UGT2B7: variants seen among roughly 807,000 people sequenced by gnomAD.
UGT2B7 encodes UDP-glucuronosyltransferase 2B7.
A neutral mutation model predicts 51.9 loss-of-function variants in UGT2B7; 51 were observed. The observed-to-expected ratio is 0.98, with a 90% confidence interval of 0.78 to 1.24. The LOEUF is 1.24. Ranked by LOEUF, UGT2B7 falls within the 50% of genes most tolerant of loss-of-function variation. UGT2B7 has a pLI of 0.00. For missense variants in UGT2B7, 727 were observed against 628.4 expected (o/e 1.16, Z -1.68); for synonymous variants, 225 against 211.6 (o/e 1.06, Z -0.55).
intron 1 of UGT2B7, among the ~76,000 whole-genome samples, chr4:69,077,505 T>C (rs1446328213): frequency 6.6e-6 from 1 of 151,552 alleles, no homozygotes; most frequent in Non-Finnish European, 1.5e-5. Flanking sequence ...TTCACATCCC[T>C]TGTAAGTTGT....
At chr4:69,092,256 T>C (rs1719101328), upstream of UGT2B7, among the ~76,000 whole-genome samples, 1 of 152,226 alleles carries the variant, frequency 6.6e-6, no homozygotes, top group Non-Finnish European at 1.5e-5. Flanking sequence ...CAGTTCTCAG[T>C]ATCTTTCCTG....
intron 5 of UGT2B7, among the ~76,000 whole-genome samples, chr4:69,109,488 G>A (rs528457543): frequency 6.6e-6 from 1 of 152,034 alleles, no homozygotes; most frequent in African/African-American, 2.4e-5. Flanking sequence ...TACGGCTAAA[G>A]GTGTTGAGAA....
intron 1 of UGT2B7, among the ~76,000 whole-genome samples, chr4:69,087,320 C>T (rs1359058201): frequency 6.6e-6 from 1 of 151,942 alleles, no homozygotes; most frequent in Non-Finnish European, 1.5e-5. Flanking sequence ...AAACAGAACT[C>T]TGTATTTTGA....
At chr4:69,057,521 T>G (rs758273506) in intron 1 of UGT2B7, among the ~76,000 whole-genome samples, 12 of 152,212 alleles carry the variant, frequency 7.9e-5, no homozygotes, top group Non-Finnish European at 1.5e-4. Context: ...CAGCAATCCC[T>G]CTTCTGGATA....
rs764824818 is a variant in UGT2B7 at position 69,112,589 on chromosome 4, C to A, written c.1443C>A (p.His481Gln). 3.1e-6 allele frequency: 5 copies of A among 1,613,848 alleles called. No individual in the cohort carries two copies. Among genetic ancestry groups the A allele is most frequent in the Non-Finnish European group, 3.4e-6 (4 of 1,179,884 alleles). ...CTAAACACCTTCGGGTTGCAGCCCA[C>A]GACCTCACCTGGTTCCAGTACCACT... ...KGAKHLRVAA[H>Q]DLTWFQYHSL... The change falls in exon 6 of 6, where the codon CAC becomes CAA. Residue 481 changes from histidine to glutamine, a missense_variant. Coordinates refer to ENST00000305231, the MANE Select transcript of UGT2B7 (RefSeq NM_001074.4).
intron 1 of UGT2B7, among the ~76,000 whole-genome samples, chr4:69,055,637 C>T (rs763338827): frequency 3.9e-5 from 6 of 152,022 alleles, no homozygotes; most frequent in Non-Finnish European, 8.8e-5. Flanking sequence ...AACACATAGC[C>T]CAGTCTCTAC....
intron 1 of UGT2B7, among the ~76,000 whole-genome samples, chr4:69,061,799 T>G (rs1432635767): frequency 6.6e-6 from 1 of 152,084 alleles, no homozygotes; most frequent in African/African-American, 2.4e-5. Context: ...CCCCGGGAAT[T>G]CAGGAAAAAG....
intron 1 of UGT2B7, among the ~76,000 whole-genome samples, chr4:69,056,356 TG>T (rs1010707609): frequency 6.6e-6 from 1 of 152,220 alleles, no homozygotes; most frequent in Non-Finnish European, 1.5e-5. Context: ...GATCAAGCCT[TG>T]ACTGTTCTTG....
At position 69,098,620 on chromosome 4, in the gene UGT2B7, T is replaced by C. The variant is rs7439366; in HGVS notation, c.802T>C (p.Tyr268His). The C allele has an allele frequency of 0.5, 807,479 of 1,610,326 alleles. 209,146 individuals are homozygous for C. Among genetic ancestry groups the C allele is most frequent in the African/African-American group, 0.71 (53,120 of 74,464 alleles). The stretch of plus-strand genomic sequence containing the variant: ...AAACTCCTGGAATTTTCAGTTTCCA[T>C]ATCCACTCTTACCAAATGTTGATTT... ...IRNSWNFQFP[Y>H]PLLPNVDFVG... Residue 268 changes from tyrosine to histidine, a missense_variant, in exon 2 of 6, where the codon TAT becomes CAT. By Grantham distance (83) the Tyr-to-His change is moderately conservative. Coordinates refer to ENST00000305231, the MANE Select transcript of UGT2B7 (RefSeq NM_001074.4).
chr4:69,073,004 G>A (rs1718631927), intron 1 of UGT2B7, among the ~76,000 whole-genome samples: 1 of 152,116 alleles, frequency 6.6e-6, no homozygotes, highest in Admixed American at 6.6e-5. Flanking sequence ...TGAGAAAGAT[G>A]AGCTTAGAGT....
At chr4:69,091,284 G>A (rs1719079021) in intron 2 of UGT2B7, among the ~76,000 whole-genome samples, 1 of 152,146 alleles carries the variant, frequency 6.6e-6, no homozygotes, top group Admixed American at 6.6e-5. Context: ...CATAGGTGAA[G>A]CAATGTAAAA....
upstream of UGT2B7, among the ~76,000 whole-genome samples, chr4:69,093,019 G>T (rs1719118886): frequency 6.6e-6 from 1 of 151,160 alleles, no homozygotes; most frequent in Non-Finnish European, 1.5e-5. Flanking sequence ...CATATGGTTT[G>T]TCATACATAA....
rs144232904 is a variant in UGT2B7 at position 69,108,256 on chromosome 4, T to A, written c.1244T>A (p.Val415Glu). ...HMKARGAAVR[V>E]DFNTMSSTDL... ...AAGGCCAGGGGAGCAGCTGTTAGAGTGGACTTCAACACAATGTCGAGTACA... is the reference window on the plus strand; with the variant it reads ...AAGGCCAGGGGAGCAGCTGTTAGAGAGGACTTCAACACAATGTCGAGTACA... The change falls in exon 5 of 6, where the codon GTG becomes GAG. Residue 415 changes from valine to glutamate, a missense_variant. Coordinates refer to ENST00000305231, the MANE Select transcript of UGT2B7 (RefSeq NM_001074.4). 1.5e-4 allele frequency: 237 copies of A among 1,613,454 alleles called. No individual in the cohort carries two copies. The highest frequency in any genetic ancestry group is 1.9e-4 in the Non-Finnish European group (223 of 1,179,676).
intron 2 of UGT2B7, among the ~76,000 whole-genome samples, chr4:69,100,870 A>T (rs1314904677): frequency 6.6e-6 from 1 of 152,158 alleles, no homozygotes; most frequent in Non-Finnish European, 1.5e-5. Context: ...ATTTCTTATA[A>T]GAGAAAAAGA....
chr4:69,072,174 A>C (rs1718616500), intron 1 of UGT2B7, among the ~76,000 whole-genome samples: 1 of 152,108 alleles, frequency 6.6e-6, no homozygotes, highest in East Asian at 1.9e-4. Context: ...ATAGTATATT[A>C]AATTCCAAAA....
chr4:69,072,327 T>A (rs1718619162), intron 1 of UGT2B7, among the ~76,000 whole-genome samples: 1 of 152,166 alleles, frequency 6.6e-6, no homozygotes, highest in Non-Finnish European at 1.5e-5. Flanking sequence ...TTCATCCTCA[T>A]GAAAATCTTT....
intron 5 of UGT2B7, among the ~76,000 whole-genome samples, chr4:69,111,242 A>G (rs1719762287): frequency 6.6e-6 from 1 of 152,210 alleles, no homozygotes; most frequent in Admixed American, 6.5e-5. Flanking sequence ...CTAAAAATGT[A>G]GGGTTCTGTA....
Position 69,096,919 on chromosome 4 carries a change from T to C in UGT2B7, c.399T>C (p.Asn133=). The C allele has an allele frequency of 1.2e-6, 2 of 1,611,740 alleles. No homozygotes were observed. Among genetic ancestry groups the C allele is most frequent in the Non-Finnish European group, 1.7e-6 (2 of 1,179,424 alleles). ...AGTTCTGTAAAGATGTAGTTTCAAA[T>C]AAGAAATTTATGAAAAAAGTACAAG... ...TRKFCKDVVS[N]KKFMKKVQES... is the part of the protein sequence containing the mutation. Residue 133 remains asparagine (N), a synonymous_variant, in exon 1 of 6, where the codon AAT becomes AAC. Transcript: ENST00000305231.
At chr4:69,084,330 T>TCTCTCTCTCTCTCTCTCTCTCTC (rs1553912555) in intron 1 of UGT2B7, among the ~76,000 whole-genome samples, 1 of 148,124 alleles carries the variant, frequency 6.8e-6, no homozygotes, top group African/African-American at 2.5e-5. Flanking sequence ...TCTATAAATT[T>TCTCTCTCTCTCTCTCTCTCTCTC]TCTCTCTCTC....
Sources: allele counts gnomAD v4.1 joint callset (sites outside exome capture counted in the v4.1 genomes callset), GRCh38; gene constraint gnomAD v4.1.1; transcripts MANE v1.5; gene names NCBI Gene and HGNC (gene_info 2026-07-23, HGNC 2026-07-21).